USP35: variants seen among roughly 807,000 people sequenced by gnomAD.
USP35 encodes the protein ubiquitin specific peptidase 35.
USP35 carries 69 observed loss-of-function variants against 83.8 expected under a neutral mutation model. The ratio of observed to expected loss-of-function variants is 0.82; its 90% CI spans 0.68 to 1.01. The LOEUF (loss-of-function observed/expected upper bound fraction) is 1.01. Among genes scored for constraint, USP35 ranks in the 50% least tolerant of loss-of-function variants. The pLI is 0.00. For missense variants in USP35, 1,503 were observed against 1,362.5 expected (o/e 1.10, Z -1.62); for synonymous variants, 714 against 589.5 (o/e 1.21, Z -3.06).
chr11:78,226,605 G>A, the USP35 span: 1 of 1,612,400 alleles, frequency 6.2e-7, no homozygotes, highest in Non-Finnish European at 8.5e-7. Context: ...ACTTGGCTTG[G>A]GGGGGCGGGG....
chr11:78,222,347 CTT>C, the USP35 span: 3 of 617,940 alleles, frequency 4.9e-6, no homozygotes, highest in Non-Finnish European at 5.9e-6. Flanking sequence ...GTTGTATAAT[CTT>C]TGCCCATATT....
In USP35 at chr11:78,213,669, C is replaced by G; in HGVS notation, c.2913C>G (p.Ser971Arg). ...AGGAGCAGGAGAAGGAGGCCCGGAGCAGGGCGGCCTACATCTCTGCACTCC... is the reference window on the plus strand; with the variant it reads ...AGGAGCAGGAGAAGGAGGCCCGGAGGAGGGCGGCCTACATCTCTGCACTCC... ...YLQEQEKEAR[S>R]RAAYISALPT... The change falls in exon 11 of 11, where the codon AGC (serine) becomes AGG (arginine). Residue 971 changes from serine to arginine, a missense_variant. By Grantham distance (110) the Ser-to-Arg change is moderately radical. Coordinates refer to ENST00000529308, the MANE Select transcript of USP35 (RefSeq NM_020798.4). The G allele has an allele frequency of 6.7e-7, 1 of 1,500,954 alleles. No homozygotes were observed. The highest frequency in any genetic ancestry group is 8.8e-7 in the Non-Finnish European group (1 of 1,131,888). The allele number at this position is 1,500,954 out of a possible 1,614,324, so 93.0% of individuals were successfully genotyped here.
At chr11:78,199,866 G>T (rs1342412444) in intron 4 of USP35, 142 bp downstream of exon 4, 1 of 1,368,906 alleles carries the variant, frequency 7.3e-7, no homozygotes, top group East Asian at 2.4e-5. Flanking sequence ...GCCCCTCTCT[G>T]GGCCTCAGAT....
chr11:78,228,331 G>A, the USP35 span, among the ~76,000 whole-genome samples: 1 of 152,128 alleles, frequency 6.6e-6, no homozygotes, highest in African/African-American at 2.4e-5. Flanking sequence ...TTCACTTGGG[G>A]AAAAAAAGAA....
At chr11:78,232,931 T>C in the USP35 span, among the ~76,000 whole-genome samples, 1 of 152,208 alleles carries the variant, frequency 6.6e-6, no homozygotes, top group African/African-American at 2.4e-5. Flanking sequence ...CTTTGTAAAC[T>C]TTAAAGCATC....
At chr11:78,216,891 C>G, downstream of USP35, 1 of 152,278 alleles carries the variant, frequency 6.6e-6, no homozygotes, top group East Asian at 1.9e-4. Context: ...CAACTCTGCC[C>G]AGTGTAGCTA....
the USP35 span, chr11:78,225,050 G>T: frequency 9.8e-7 from 1 of 1,021,884 alleles, no homozygotes; most frequent in Non-Finnish European, 1.5e-6. Flanking sequence ...ATTCCATAAG[G>T]TGTGACCTTT....
chr11:78,210,850 C>T (rs1863744887), intron 10 of USP35, 106 bp downstream of exon 10: 5 of 1,241,302 alleles, frequency 4.0e-6, no homozygotes, highest in Middle Eastern at 5.2e-4. Context: ...TTTGTAAATC[C>T]CATTCATCTG....
At position 78,214,346 on chromosome 11, in the gene USP35, C is replaced by T. The variant is rs1212769312; in HGVS notation, c.*533C>T. ...TTCTGAGAAGAACAGAGACCGAGAC[C>T]TGCCCCCTTACCAAGCGCCACTGCA... On this transcript the variant is annotated 3_prime_UTR_variant, in exon 11 of 11. Transcript: ENST00000529308. 7.2e-6 allele frequency: 1 copy of T among 139,606 alleles called. No homozygotes were observed. Among genetic ancestry groups the T allele is most frequent in the East Asian group, 2.1e-4 (1 of 4,826 alleles). The allele number at this position is 139,606 out of a possible 1,614,324, so 8.6% of individuals were successfully genotyped here.
the USP35 span, chr11:78,226,611 CGGGGT>C: frequency 2.1e-5 from 6 of 282,820 alleles, no homozygotes; most frequent in Non-Finnish European, 3.8e-5. Context: ...CTTGGGGGGG[CGGGGT>C]GGGGGAGCTA....
the USP35 span, chr11:78,220,281 G>A: frequency 6.2e-7 from 1 of 1,610,134 alleles, no homozygotes; most frequent in Non-Finnish European, 8.5e-7. Flanking sequence ...CCGGGACCCT[G>A]AGAGCTCTTA....
At chr11:78,199,830 C>T (rs558885493) in intron 4 of USP35, 106 bp downstream of exon 4, 341 of 1,560,310 alleles carry the variant, frequency 2.2e-4, no homozygotes, top group South Asian at 4.2e-4. Context: ...CCACCAAGCT[C>T]GCTGTGTGAC....
intron 1 of USP35, among the ~76,000 whole-genome samples, chr11:78,189,414 T>C (rs1161052049): frequency 6.6e-6 from 1 of 152,168 alleles, no homozygotes; most frequent in Non-Finnish European, 1.5e-5. Flanking sequence ...ACCCAGTACC[T>C]AGTACATTCG....
chr11:78,199,723 A>C lies in USP35; in HGVS notation c.935A>C (p.Lys312Thr). Residue 312 changes from lysine to threonine, a missense_variant and splice_region_variant, in exon 4 of 11, where the codon AAG becomes ACG. Physicochemically the swap from Lys to Thr is moderately conservative, Grantham distance 78 (BLOSUM62 -1). Coordinates refer to ENST00000529308, the MANE Select transcript of USP35 (RefSeq NM_020798.4). ...GAGGTTTCGCTCACCAAAATTGAGA[A>C]GGTTGGTGCCCCTGTCCTAGCCCAG... is the stretch of plus-strand genomic sequence containing the variant. ...LIEVSLTKIEKVFSKLLYPIV... is the reference protein window; with the variant it reads ...LIEVSLTKIETVFSKLLYPIV... The C allele has an allele frequency of 6.2e-7, 1 of 1,614,128 alleles. No homozygotes were observed. The highest frequency in any genetic ancestry group is 2.2e-5 in the East Asian group (1 of 44,884).
At chr11:78,220,377 C>T in the USP35 span, 7 of 1,612,858 alleles carry the variant, frequency 4.3e-6, no homozygotes, top group African/African-American at 9.3e-5. Context: ...ATCAACGCTG[C>T]CGGTGCTCTT....
the USP35 span, chr11:78,223,707 C>T: frequency 6.5e-7 from 1 of 1,538,954 alleles, no homozygotes; most frequent in Non-Finnish European, 8.8e-7. Context: ...AGAAATACAG[C>T]TGTTACTAGC....
the USP35 span, chr11:78,224,963 G>T: frequency 1.6e-6 from 1 of 610,102 alleles, no homozygotes; most frequent in East Asian, 2.7e-5. Flanking sequence ...ACTCAACGCA[G>T]GGTTCTGAAC....
intron 1 of USP35, among the ~76,000 whole-genome samples, chr11:78,194,123 T>C (rs1201237278): frequency 6.8e-6 from 1 of 147,960 alleles, no homozygotes; most frequent in African/African-American, 2.7e-5. Context: ...ATGTCTGCCA[T>C]GGTTACAACC....
the USP35 span, chr11:78,222,254 A>C: frequency 9.6e-7 from 1 of 1,045,532 alleles, no homozygotes; most frequent in South Asian, 1.3e-5. Context: ...ACACATACAC[A>C]CCTTATATAT....
Sources: gnomAD v4.1 joint callset for allele counts (sites outside exome capture counted in the v4.1 genomes callset) on GRCh38, gnomAD v4.1.1 for gene constraint, MANE v1.5 for transcripts, NCBI Gene and HGNC (gene_info 2026-07-23, HGNC 2026-07-21) for gene names.